MAP1B: variants seen among roughly 807,000 people sequenced by gnomAD.
MAP1B encodes the protein microtubule-associated protein 1B.
In MAP1B, 12 loss-of-function variants were observed where a neutral mutation model predicts 176.1. That is an observed-to-expected ratio of 0.07 (90% CI 0.04 to 0.11). The LOEUF (loss-of-function observed/expected upper bound fraction) is 0.11, where lower values mean the gene tolerates loss of function less well. Among genes scored for constraint, MAP1B ranks in the 10% least tolerant of loss-of-function variants. The pLI is 1.00. For missense variants in MAP1B, 2,523 were observed against 2,990.5 expected (o/e 0.84, Z 3.65); for synonymous variants, 1,044 against 1,135.0 (o/e 0.92, Z 1.61).
chr5:72,183,038 C>A (rs944030641), intron 2 of MAP1B, among the ~76,000 whole-genome samples: 17 of 152,178 alleles, frequency 1.1e-4, no homozygotes, highest in Admixed American at 6.5e-5. Flanking sequence ...GAGCCACAGC[C>A]CCGCAGGGTT....
intron 2 of MAP1B, among the ~76,000 whole-genome samples, chr5:72,175,986 G>T (rs1451884072): frequency 6.6e-6 from 1 of 152,214 alleles, no homozygotes; most frequent in African/African-American, 2.4e-5. Context: ...GAAAACAAGT[G>T]TTCAAAATTT....
chr5:72,197,057 C>T lies in MAP1B; in HGVS notation c.3702C>T (p.Ser1234=). 1.2e-5 allele frequency: 20 copies of T among 1,614,174 alleles called. No individual in the cohort carries two copies. Among genetic ancestry groups the T allele is most frequent in the Non-Finnish European group, 1.7e-5 (20 of 1,180,008 alleles). ...RDAYCSEVKA[S]TTLDIKDSIS... is the part of the protein sequence containing the mutation. ...CTTACTGCTCTGAAGTGAAAGCCAG[C>T]ACCACTTTGGACATCAAAGATAGCA... is the stretch of plus-strand genomic sequence containing the variant. The change falls in exon 5 of 7, where the codon AGC becomes AGT. Residue 1234 remains serine (S), a synonymous_variant. Coordinates refer to ENST00000296755, the MANE Select transcript of MAP1B (RefSeq NM_005909.5).
At chr5:72,170,823 T>C (rs1282053437) in intron 2 of MAP1B, among the ~76,000 whole-genome samples, 1 of 152,076 alleles carries the variant, frequency 6.6e-6, no homozygotes, top group Non-Finnish European at 1.5e-5. Context: ...AGCAGGTCAC[T>C]GTAATCCCAG....
chr5:72,135,388 A>G (rs1490113656), intron 2 of MAP1B, among the ~76,000 whole-genome samples: 1 of 152,172 alleles, frequency 6.6e-6, no homozygotes, highest in Non-Finnish European at 1.5e-5. Context: ...TTGAGTGAGT[A>G]AAGGTGGTGG....
At chr5:72,128,997 A>G (rs1339686877) in intron 2 of MAP1B, among the ~76,000 whole-genome samples, 1 of 152,168 alleles carries the variant, frequency 6.6e-6, no homozygotes, top group Non-Finnish European at 1.5e-5. Context: ...CTGTTGCACC[A>G]TCTCCCTCCA....
rs1380102033 is a variant in MAP1B at position 72,200,255 on chromosome 5, A to C, written c.6900A>C (p.Ala2300=). 1 of 1,614,240 alleles carries C rather than the reference A, an allele frequency of 6.2e-7. No homozygotes were observed. The highest frequency in any genetic ancestry group is 2.2e-5 in the East Asian group (1 of 44,892). ...AGAAAGAATCTGTGGAAAAGGCAGC[A>C]AAACCCACCACCACTCCTGAGGTCA... The part of the protein sequence containing the change: ...PKKKESVEKA[A]KPTTTPEVKA... Residue 2300 remains alanine, a synonymous_variant, in exon 5 of 7, where the codon GCA becomes GCC. Coordinates refer to ENST00000296755, the MANE Select transcript of MAP1B (RefSeq NM_005909.5).
At chr5:72,169,665 T>C (rs1225882994) in intron 2 of MAP1B, 1 of 154,346 alleles carries the variant, frequency 6.5e-6, no homozygotes, top group Non-Finnish European at 1.5e-5. Flanking sequence ...CTTTGTGAGA[T>C]TTACATAGAA....
chr5:72,166,874 G>A (rs553133163), intron 2 of MAP1B, among the ~76,000 whole-genome samples: 3 of 152,302 alleles, frequency 2.0e-5, no homozygotes, highest in South Asian at 2.1e-4. Flanking sequence ...GCTTCTTCCC[G>A]TTGGCAAATG....
chr5:72,110,724 C>A (rs1210890804), intron 1 of MAP1B, among the ~76,000 whole-genome samples: 1 of 152,212 alleles, frequency 6.6e-6, no homozygotes, highest in Non-Finnish European at 1.5e-5. Flanking sequence ...CCTATTTCCC[C>A]TCCTGCCTTA....
intron 2 of MAP1B, among the ~76,000 whole-genome samples, chr5:72,175,826 C>T (rs963702515): frequency 6.6e-6 from 1 of 152,178 alleles, no homozygotes; most frequent in Non-Finnish European, 1.5e-5. Context: ...TAGGTATAGA[C>T]TCAAATTAGG....
intron 5 of MAP1B, 67 bp from the exon 6 acceptor site, chr5:72,203,496 C>A: frequency 8.9e-7 from 1 of 1,117,330 alleles, no homozygotes; most frequent in South Asian, 1.3e-5. Flanking sequence ...GAGTGGGGAA[C>A]ATGTGCTGGA....
rs180773579 is a variant in MAP1B at position 72,187,793 on chromosome 5, G to C, written c.510+1039G>C. On this transcript the variant is annotated intron_variant, in intron 4 of 6. Coordinates refer to ENST00000296755, the MANE Select transcript of MAP1B (RefSeq NM_005909.5). Reference sequence around the variant, plus strand: ...CCAACTTCATCTGAGTCACCTGGAGGCTTCTTTAAAAACACTGATCAGAAG... The same window carrying C: ...CCAACTTCATCTGAGTCACCTGGAGCCTTCTTTAAAAACACTGATCAGAAG... Among the ~76,000 whole-genome samples, 29 of 152,258 alleles carry C rather than the reference G, an allele frequency of 1.9e-4. No individual in the cohort carries two copies. The East Asian group carries it at 4.6e-3, about 24-fold the overall frequency.
Position 72,196,638 on chromosome 5 carries a change from G to A in MAP1B, c.3283G>A (p.Glu1095Lys). Residue 1095 changes from glutamate (E) to lysine (K), a missense_variant, in exon 5 of 7, where the codon GAG (glutamate) becomes AAG (lysine). This residue lies in a region of MAP1B where 1,925 missense variants were observed against 2,126.0 expected (regional missense o/e 0.91). Coordinates refer to ENST00000296755, the MANE Select transcript of MAP1B (RefSeq NM_005909.5). This position sits in a 1 kb window ranked among gnomAD's most constrained non-coding sequence, Gnocchi z 5.3. ...TGATGAGACTTTACCTGGAGGCTCAGAGAGCGAGGCCACCGCTTCTGATGA... is the reference window on the plus strand; with the variant it reads ...TGATGAGACTTTACCTGGAGGCTCAAAGAGCGAGGCCACCGCTTCTGATGA... Reference protein sequence around the residue: ...IHDETLPGGSESEATASDEEN... With the variant: ...IHDETLPGGSKSEATASDEEN... 1 of 1,614,096 alleles carries A rather than the reference G, an allele frequency of 6.2e-7. No individual in the cohort carries two copies. Among genetic ancestry groups the A allele is most frequent in the Non-Finnish European group, 8.5e-7 (1 of 1,180,034 alleles).
At chr5:72,126,275 C>G (rs78686476) in intron 2 of MAP1B, among the ~76,000 whole-genome samples, 2,957 of 152,286 alleles carry the variant, frequency 0.019, 62 homozygotes, top group African/African-American at 0.055. Flanking sequence ...GCTGTCAGTC[C>G]TTTCCTTTTC....
In MAP1B at chr5:72,196,678, A is replaced by G. The variant is rs1747178616; in HGVS notation, c.3323A>G (p.Asp1108Gly). 6.2e-7 allele frequency: 1 copy of G among 1,614,098 alleles called. No homozygotes were observed. Among genetic ancestry groups the G allele is most frequent in the South Asian group, 1.1e-5 (1 of 91,078 alleles). The change falls in exon 5 of 7, where the codon GAC (aspartate) becomes GGC (glycine). Residue 1108 changes from aspartate to glycine, a missense_variant. By Grantham distance (94) the Asp-to-Gly change is moderately conservative (BLOSUM62 -1). Around this residue, in one of 4 missense-constraint regions of MAP1B, gnomAD observed 1,925 missense variants for 2,126.0 expected, o/e 0.91. Coordinates refer to ENST00000296755, the MANE Select transcript of MAP1B (RefSeq NM_005909.5). This position sits in a 1 kb window ranked among gnomAD's most constrained non-coding sequence, Gnocchi z 5.3. ...GCTTCTGATGAGGAGAATCGAGAAG[A>G]CCAGCCTGAGGAATTCACTGCCACC... is the stretch of plus-strand genomic sequence containing the variant. The part of the protein sequence containing the change: ...ATASDEENRE[D>G]QPEEFTATSG...
rs759301926 is a variant in MAP1B, at chr5:72,197,134, G to C, written c.3779G>C (p.Ser1260Thr). 7 of 1,614,064 alleles carry C rather than the reference G, an allele frequency of 4.3e-6. No homozygotes were observed. The East Asian group carries it at 1.3e-4, about 31-fold the overall frequency. Reference sequence around the variant, plus strand: ...AGCCCATCGAAGAGCCCGTCCCTGAGTCCATCTCCACCATCACCCTTAGAA... The same window carrying C: ...AGCCCATCGAAGAGCCCGTCCCTGACTCCATCTCCACCATCACCCTTAGAA... ...KVSPSKSPSL[S>T]PSPPSPLEKT... Residue 1260 changes from serine to threonine, a missense_variant, in exon 5 of 7, where the codon AGT (serine) becomes ACT (threonine). Physicochemically the swap from Ser to Thr is moderately conservative, Grantham distance 58. This residue lies in a region of MAP1B where 1,925 missense variants were observed against 2,126.0 expected (regional missense o/e 0.91). Coordinates refer to ENST00000296755, the MANE Select transcript of MAP1B (RefSeq NM_005909.5).
Position 72,197,245 on chromosome 5 carries a change from T to C in MAP1B, c.3890T>C (p.Val1297Ala), listed in dbSNP as rs1442043578. Residue 1297 changes from valine to alanine, a missense_variant, in exon 5 of 7, where the codon GTG becomes GCG. Coordinates refer to ENST00000296755, the MANE Select transcript of MAP1B (RefSeq NM_005909.5). ...TCTGCAGAGGCAGAAGTAGCCCCGG[T>C]GTCTCCTGAGGTGACCCAAGAAGTA... ...KVSAEAEVAP[V>A]SPEVTQEVVE... The C allele has an allele frequency of 6.2e-7, 1 of 1,614,234 alleles. No homozygotes were observed. Among genetic ancestry groups the C allele is most frequent in the Non-Finnish European group, 8.5e-7 (1 of 1,180,050 alleles).
At chr5:72,131,230 G>T (rs575190425) in intron 2 of MAP1B, among the ~76,000 whole-genome samples, 1 of 152,270 alleles carries the variant, frequency 6.6e-6, no homozygotes, top group African/African-American at 2.4e-5. Flanking sequence ...GTGGTAAGGG[G>T]TAAGTAAACT....
intron 2 of MAP1B, among the ~76,000 whole-genome samples, chr5:72,119,329 G>T (rs138613626): frequency 2.0e-5 from 3 of 152,214 alleles, no homozygotes; most frequent in Non-Finnish European, 2.9e-5. Context: ...CCCAGGGCAG[G>T]TCTCTGCTGA....
Sources: gnomAD v4.1 joint callset for allele counts (sites outside exome capture counted in the v4.1 genomes callset) on GRCh38, gnomAD v4.1.1 for gene constraint, gnomAD v4.1.1 regional missense constraint, Gnocchi (gnomAD v3.1) non-coding constraint, MANE v1.5 for transcripts, NCBI Gene and HGNC (gene_info 2026-07-23, HGNC 2026-07-21) for gene names.